The following TPST1 variants were observed in gnomAD, a reference collection of about 807,000 sequenced individuals.
TPST1 encodes the protein tyrosylprotein sulfotransferase 1.
Under a neutral mutation model 34.8 loss-of-function variants are expected in TPST1, and 20 were observed. The observed-to-expected ratio is 0.57, with a 90% CI of 0.40 to 0.84. The LOEUF (loss-of-function observed/expected upper bound fraction) is 0.84. TPST1 is among the 40% of genes least tolerant of loss of function. TPST1 has a pLI of 0.00. For synonymous variants in TPST1, 152 were observed against 159.4 expected (o/e 0.95, Z 0.35); for missense variants, 353 against 455.5 (o/e 0.78, Z 2.05).
At chr7:66,356,698 T>C in intron 4 of TPST1, 127 bp from the exon 5 acceptor site, 1 of 1,005,880 alleles carries the variant, frequency 9.9e-7, no homozygotes, top group Non-Finnish European at 1.5e-6. Flanking sequence ...CATACCACAG[T>C]AGTGCACTGA....
chr7:66,272,728 A>G (rs1790729965), intron 2 of TPST1, among the ~76,000 whole-genome samples: 1 of 151,952 alleles, frequency 6.6e-6, no homozygotes, highest in African/African-American at 2.4e-5. Flanking sequence ...CTGGGACTAC[A>G]GGCACATACC....
intron 1 of TPST1, among the ~76,000 whole-genome samples, chr7:66,211,534 T>G (rs1789243538): frequency 6.6e-6 from 1 of 152,230 alleles, no homozygotes; most frequent in South Asian, 2.1e-4. Context: ...AGAAACTTGA[T>G]AAAAGTTGGT....
chr7:66,249,141 G>A (rs1299419334), intron 2 of TPST1, among the ~76,000 whole-genome samples: 1 of 152,010 alleles, frequency 6.6e-6, no homozygotes, highest in Non-Finnish European at 1.5e-5. Context: ...ACATGAATTT[G>A]GGGGGACACA....
At chr7:66,237,025 A>C (rs911531100) in intron 1 of TPST1, among the ~76,000 whole-genome samples, 1 of 152,062 alleles carries the variant, frequency 6.6e-6, no homozygotes, top group Non-Finnish European at 1.5e-5. Flanking sequence ...CTTTCCACCC[A>C]GTCCTTTCAT....
intron 3 of TPST1, chr7:66,344,287 A>G (rs1792298147): frequency 6.6e-6 from 1 of 152,212 alleles, no homozygotes; most frequent in Non-Finnish European, 1.5e-5. Context: ...GACAGTTACA[A>G]AATTATATAT....
At chr7:66,309,317 CCT>C (rs1791484367) in intron 3 of TPST1, among the ~76,000 whole-genome samples, 1 of 152,132 alleles carries the variant, frequency 6.6e-6, no homozygotes, top group African/African-American at 2.4e-5. Context: ...AGAGTTATTC[CCT>C]GATTACTCAA....
chr7:66,257,627 A>G (rs1407570836), intron 2 of TPST1, among the ~76,000 whole-genome samples: 1 of 152,012 alleles, frequency 6.6e-6, no homozygotes, highest in East Asian at 1.9e-4. Flanking sequence ...TGCTGATATA[A>G]TTTTCTCAAA....
At chr7:66,236,299 G>A (rs970539743) in intron 1 of TPST1, among the ~76,000 whole-genome samples, 4 of 152,058 alleles carry the variant, frequency 2.6e-5, no homozygotes, top group Non-Finnish European at 4.4e-5. Flanking sequence ...TTCAGTCACC[G>A]CAAAAAGTTC....
intron 3 of TPST1, among the ~76,000 whole-genome samples, chr7:66,337,296 CA>C (rs995992650): frequency 4.0e-5 from 5 of 123,766 alleles, no homozygotes; most frequent in African/African-American, 1.5e-4. Context: ...GACTAAAAGA[CA>C]AATTTTTTTT....
intron 1 of TPST1, among the ~76,000 whole-genome samples, chr7:66,226,204 T>G (rs1789653355): frequency 6.6e-6 from 1 of 152,070 alleles, no homozygotes; most frequent in Non-Finnish European, 1.5e-5. Flanking sequence ...TGTTTTTTTG[T>G]AGGTTCAGTA....
At chr7:66,326,542 G>A (rs774039221) in intron 3 of TPST1, among the ~76,000 whole-genome samples, 10 of 152,166 alleles carry the variant, frequency 6.6e-5, no homozygotes, top group Non-Finnish European at 1.5e-4. Flanking sequence ...ATTCCTGCCT[G>A]ATAAATGTCC....
chr7:66,324,026 T>C (rs1003303047), intron 3 of TPST1, among the ~76,000 whole-genome samples: 4 of 152,154 alleles, frequency 2.6e-5, no homozygotes, highest in African/African-American at 9.7e-5. Flanking sequence ...AAACAAAATG[T>C]GGTAAAGATG....
At chr7:66,285,980 G>C (rs4149463) in intron 2 of TPST1, among the ~76,000 whole-genome samples, 2 of 152,048 alleles carry the variant, frequency 1.3e-5, no homozygotes, top group Non-Finnish European at 2.9e-5. Flanking sequence ...GTGGTTTATG[G>C]TTGGCAGTTT....
At chr7:66,354,738 C>T (rs995272593) in intron 4 of TPST1, among the ~76,000 whole-genome samples, 1 of 152,070 alleles carries the variant, frequency 6.6e-6, no homozygotes, top group Non-Finnish European at 1.5e-5. Flanking sequence ...ATGAGGCTCA[C>T]GCTTGTAATC....
intron 2 of TPST1, among the ~76,000 whole-genome samples, chr7:66,260,358 C>T (rs1790464678): frequency 1.3e-5 from 2 of 152,082 alleles, no homozygotes; most frequent in Non-Finnish European, 1.5e-5. Flanking sequence ...TGTGGAATTT[C>T]CCACTTGTGG....
At chr7:66,201,890 C>T (rs531515186), upstream of TPST1, among the ~76,000 whole-genome samples, 15 of 149,946 alleles carry the variant, frequency 1.0e-4, no homozygotes, top group African/African-American at 3.7e-4. Context: ...GTAATCCAAG[C>T]ATATAGCACA....
At chr7:66,256,277 A>G (rs1790382080) in intron 2 of TPST1, among the ~76,000 whole-genome samples, 1 of 152,222 alleles carries the variant, frequency 6.6e-6, no homozygotes, top group Non-Finnish European at 1.5e-5. Context: ...CTAGTTCACT[A>G]AGAGTTTTCA....
intron 3 of TPST1, among the ~76,000 whole-genome samples, chr7:66,336,996 T>C (rs1342183804): frequency 1.3e-5 from 2 of 152,174 alleles, no homozygotes; most frequent in Non-Finnish European, 2.9e-5. Context: ...GCAAGAATAC[T>C]GTACCCAGCA....
At chr7:66,323,106 A>AT (rs1274540767) in intron 3 of TPST1, among the ~76,000 whole-genome samples, 1 of 151,912 alleles carries the variant, frequency 6.6e-6, no homozygotes, top group African/African-American at 2.4e-5. Flanking sequence ...GGATTTTTTG[A>AT]TTTTTTGCTG....
Sources: allele counts gnomAD v4.1 joint callset (sites outside exome capture counted in the v4.1 genomes callset), GRCh38; gene constraint gnomAD v4.1.1; transcripts MANE v1.5; gene names NCBI Gene and HGNC (gene_info 2026-07-23, HGNC 2026-07-21).